Variants in AIG1 observed in about 807,000 individuals in gnomAD.
AIG1 encodes androgen induced 1.
AIG1 carries 23 observed loss-of-function variants against 31.4 expected under a neutral mutation model. The ratio of observed to expected loss-of-function variants is 0.73; its 90% confidence interval spans 0.53 to 1.04. AIG1 has a LOEUF of 1.04. Among genes scored for constraint, AIG1 ranks in the 50% least tolerant of loss-of-function variants. The probability of loss-of-function intolerance (pLI) is 0.00; values close to 1 mark genes in which losing one functional copy is unlikely to be tolerated. For missense variants in AIG1, 274 were observed against 295.0 expected (o/e 0.93, Z 0.52); for synonymous variants, 100 against 110.5 (o/e 0.90, Z 0.60).
chr6:143,067,733 T>G (rs889029790), intron 1 of AIG1, among the ~76,000 whole-genome samples: 1 of 152,206 alleles, frequency 6.6e-6, no homozygotes, highest in Non-Finnish European at 1.5e-5. Flanking sequence ...GTTTTGCCAG[T>G]CAAAACCACA....
intron 1 of AIG1, among the ~76,000 whole-genome samples, chr6:143,062,672 C>T (rs1040678107): frequency 1.3e-5 from 2 of 152,150 alleles, no homozygotes; most frequent in Non-Finnish European, 2.9e-5. Flanking sequence ...GGTTCTGATG[C>T]ATATGTATAT....
At chr6:143,136,705 G>A in intron 1 of AIG1, 130 bp from the exon 2 acceptor site, 1 of 861,838 alleles carries the variant, frequency 1.2e-6, no homozygotes, top group Non-Finnish European at 1.6e-6. Context: ...ATTTCTAGGA[G>A]CAGCTCTTTA....
chr6:143,146,106 G>A (rs1449853664), intron 2 of AIG1, among the ~76,000 whole-genome samples: 1 of 151,892 alleles, frequency 6.6e-6, no homozygotes, highest in Non-Finnish European at 1.5e-5. Flanking sequence ...TTCAGACAAC[G>A]GGTTCAATAA....
chr6:143,059,886 A>C (rs1776096835), upstream of AIG1, among the ~76,000 whole-genome samples: 1 of 152,230 alleles, frequency 6.6e-6, no homozygotes, highest in Admixed American at 6.5e-5. Flanking sequence ...ATGCAACTTC[A>C]GTGTGACAAC....
At chr6:143,125,905 G>A (rs1782648507) in intron 1 of AIG1, among the ~76,000 whole-genome samples, 1 of 152,178 alleles carries the variant, frequency 6.6e-6, no homozygotes, top group Non-Finnish European at 1.5e-5. Flanking sequence ...CTTATGGCCT[G>A]TTTCATCGAT....
In AIG1 at chr6:143,268,784, G is replaced by C. The variant is rs887967493; in HGVS notation, c.400-15326G>C. On this transcript the variant is annotated intron_variant, in intron 3 of 5. Coordinates refer to ENST00000357847, the MANE Select transcript of AIG1 (RefSeq NM_016108.4). This position sits in a 1 kb window ranked among gnomAD's most constrained non-coding sequence, Gnocchi z 5.0. ...CCATGTTTGGTGGATGCCAGGATGT[G>C]CCACACAGGTCCCCTTTGGGGATTG... is the stretch of plus-strand genomic sequence containing the variant. Among the ~76,000 whole-genome samples the C allele has an allele frequency of 6.6e-6, 1 of 152,226 alleles. No homozygotes were observed.
intron 1 of AIG1, among the ~76,000 whole-genome samples, chr6:143,062,670 T>C (rs1776360749): frequency 6.6e-6 from 1 of 152,232 alleles, no homozygotes; most frequent in Non-Finnish European, 1.5e-5. Flanking sequence ...GAGGTTCTGA[T>C]GCATATGTAT....
intron 1 of AIG1, among the ~76,000 whole-genome samples, chr6:143,106,651 T>C (rs1780831726): frequency 1.3e-5 from 2 of 152,214 alleles, no homozygotes; most frequent in Admixed American, 1.3e-4. Context: ...ATATACTGTT[T>C]TCCCAATTCT....
intron 4 of AIG1, among the ~76,000 whole-genome samples, chr6:143,317,481 A>G (rs1044498779): frequency 6.6e-6 from 1 of 152,154 alleles, no homozygotes; most frequent in African/African-American, 2.4e-5. Context: ...ACCCTCAGCA[A>G]AATTGGCATT....
In AIG1 at chr6:143,195,633, A is replaced by G. The variant is rs150321447; in HGVS notation, c.399+30450A>G. Among the ~76,000 whole-genome samples, 286 of 151,072 alleles carry G rather than the reference A, an allele frequency of 1.9e-3. 2 individuals are homozygous for G. The highest frequency in any genetic ancestry group is 3.8e-3 in the Admixed American group (57 of 15,064). ...TGGCGACTGGCCACCCTGAGGGAGC[A>G]CGGGGGAGGACACAACACAGGGAAG... On this transcript the variant is annotated intron_variant, in intron 3 of 5. Coordinates refer to ENST00000357847, the MANE Select transcript of AIG1 (RefSeq NM_016108.4).
At chr6:143,195,611 C>T (rs1009836664) in intron 3 of AIG1, among the ~76,000 whole-genome samples, 10 of 150,872 alleles carry the variant, frequency 6.6e-5, no homozygotes, top group Non-Finnish European at 1.0e-4. Context: ...GGAACCTTGG[C>T]GACTGGCCAC....
At chr6:143,211,305 G>A (rs1394794865) in intron 3 of AIG1, among the ~76,000 whole-genome samples, 1 of 152,144 alleles carries the variant, frequency 6.6e-6, no homozygotes, top group Non-Finnish European at 1.5e-5. Context: ...GTCGTTTGCT[G>A]TGGGAGATTT....
chr6:143,077,798 TTTC>T (rs1777868820), intron 1 of AIG1, among the ~76,000 whole-genome samples: 1 of 152,246 alleles, frequency 6.6e-6, no homozygotes, highest in Admixed American at 6.5e-5. Flanking sequence ...CTTTCTTTCA[TTTC>T]TTCTTCTGCC....
intron 3 of AIG1, among the ~76,000 whole-genome samples, chr6:143,262,337 T>C (rs897840783): frequency 1.3e-5 from 2 of 152,318 alleles, no homozygotes; most frequent in Non-Finnish European, 2.9e-5. Flanking sequence ...GAAGGCTCCA[T>C]CCGCAAGTAA....
At chr6:143,141,942 AAT>A (rs570689417) in intron 2 of AIG1, among the ~76,000 whole-genome samples, 7 of 151,124 alleles carry the variant, frequency 4.6e-5, no homozygotes, top group African/African-American at 1.5e-4. Context: ...AAATAAATAA[AAT>A]ATATATATAT....
intron 1 of AIG1, among the ~76,000 whole-genome samples, chr6:143,111,789 C>T (rs2128491234): frequency 6.6e-6 from 1 of 152,326 alleles, no homozygotes; most frequent in East Asian, 1.9e-4. Flanking sequence ...TGACTATTCT[C>T]TCTTTTTTGT....
At chr6:143,190,545 T>C in intron 3 of AIG1, 3 of 972,584 alleles carry the variant, frequency 3.1e-6, no homozygotes, top group East Asian at 1.1e-4. Flanking sequence ...AAGAATCATA[T>C]GAGATTATTT....
In AIG1 at chr6:143,340,949, T is replaced by C. The variant is rs1777835163; in HGVS notation, c.*1273T>C. Among the ~76,000 whole-genome samples the C allele has an allele frequency of 6.6e-6, 1 of 151,964 alleles. No individual in the cohort carries two copies. Among genetic ancestry groups the C allele is most frequent in the African/African-American group, 2.4e-5 (1 of 41,388 alleles). On this transcript the variant is annotated 3_prime_UTR_variant, in exon 6 of 6. Coordinates refer to ENST00000357847, the MANE Select transcript of AIG1 (RefSeq NM_016108.4). ...CCAAAATTATAATTACATTTTAAAA[T>C]TAAAAAATGAAAAGCATTAAACTTT...
chr6:143,227,381 C>T (rs1222230398), intron 3 of AIG1, among the ~76,000 whole-genome samples: 1 of 152,096 alleles, frequency 6.6e-6, no homozygotes, highest in Non-Finnish European at 1.5e-5. Context: ...GCCCCTGCCC[C>T]GTGCCCCTCC....
Sources: gnomAD v4.1 joint callset for allele counts (sites outside exome capture counted in the v4.1 genomes callset) on GRCh38, gnomAD v4.1.1 for gene constraint, Gnocchi (gnomAD v3.1) non-coding constraint, MANE v1.5 for transcripts, NCBI Gene and HGNC (gene_info 2026-07-23, HGNC 2026-07-21) for gene names.